The following IMMP2L variants were observed in gnomAD, a reference collection of about 807,000 sequenced individuals.
The protein encoded by IMMP2L is mitochondrial inner membrane protease subunit 2.
A neutral mutation model predicts 19.3 loss-of-function variants in IMMP2L; 18 were observed. The ratio of observed to expected loss-of-function variants is 0.93; its 90% CI spans 0.64 to 1.38. IMMP2L has a LOEUF of 1.38. IMMP2L is among the 40% of genes most tolerant of loss of function. The pLI, the probability that IMMP2L is intolerant of heterozygous loss-of-function variation, is 0.00. For synonymous variants in IMMP2L, 76 were observed against 73.0 expected, an observed-to-expected ratio of 1.04 and a Z score of -0.21; for missense variants, 233 against 218.2, an observed-to-expected ratio of 1.07 and a Z score of -0.43.
intron 3 of IMMP2L, among the ~76,000 whole-genome samples, chr7:111,293,281 C>A (rs1821299213): frequency 6.6e-6 from 1 of 151,858 alleles, no homozygotes; most frequent in Non-Finnish European, 1.5e-5. Context: ...AAATATTAAT[C>A]CTTTTCACTT....
At chr7:111,252,333 T>C (rs761530148) in intron 3 of IMMP2L, among the ~76,000 whole-genome samples, 5 of 152,112 alleles carry the variant, frequency 3.3e-5, no homozygotes, top group Non-Finnish European at 7.3e-5. Flanking sequence ...TAAGTGTGTA[T>C]TGGAGTAATC....
At chr7:111,163,420 A>G (rs1479465075) in intron 3 of IMMP2L, among the ~76,000 whole-genome samples, 1 of 152,058 alleles carries the variant, frequency 6.6e-6, no homozygotes, top group African/African-American at 2.4e-5. Context: ...ACTATTTATT[A>G]CCGAATCAAA....
chr7:111,398,877 A>T (rs1164982945), intron 3 of IMMP2L, among the ~76,000 whole-genome samples: 2 of 149,626 alleles, frequency 1.3e-5, no homozygotes, highest in Non-Finnish European at 3.0e-5. Flanking sequence ...CTTTTACAAT[A>T]GCTGCAAAAA....
chr7:111,536,947 T>G lies in IMMP2L; in HGVS notation c.-2-15498A>C, dbSNP rs79525448. On this transcript the variant is annotated intron_variant, in intron 1 of 5. Coordinates refer to ENST00000405709, the MANE Select transcript of IMMP2L (RefSeq NM_032549.4). ...AAGTTTGTTAAGAAACAGCTGACATTGAAATTGTCTGCATCTAAAGGACAT... is the reference window on the plus strand; with the variant it reads ...AAGTTTGTTAAGAAACAGCTGACATGGAAATTGTCTGCATCTAAAGGACAT... Among the ~76,000 whole-genome samples, 1,498 of 152,086 alleles carry G rather than the reference T, an allele frequency of 9.8e-3. 38 individuals carry two copies. Among genetic ancestry groups the G allele is most frequent in the African/African-American group, 0.035 (1,432 of 41,466 alleles).
intron 3 of IMMP2L, among the ~76,000 whole-genome samples, chr7:111,355,233 AT>A (rs1480678375): frequency 6.6e-6 from 1 of 151,812 alleles, no homozygotes; most frequent in African/African-American, 2.4e-5. Flanking sequence ...TGTACATCGA[AT>A]TTTTTAAAAA....
At chr7:111,396,291 A>T (rs1399728304) in intron 3 of IMMP2L, among the ~76,000 whole-genome samples, 1 of 152,166 alleles carries the variant, frequency 6.6e-6, no homozygotes, top group Non-Finnish European at 1.5e-5. Flanking sequence ...GGATAAAGAA[A>T]ATGTGGCACA....
At chr7:111,148,595 A>G (rs1311914112) in intron 3 of IMMP2L, among the ~76,000 whole-genome samples, 1 of 152,074 alleles carries the variant, frequency 6.6e-6, no homozygotes, top group African/African-American at 2.4e-5. Context: ...TACTATTTAA[A>G]AAAGACATAT....
rs201508024 is a variant in IMMP2L, at chr7:111,510,381, C to T, written c.135+10932G>A. ...TCTGCTGTATTGTATTATATACATA[C>T]ATATACATAAATATAGATATAGATA... On this transcript the variant is annotated intron_variant, in intron 2 of 5. Coordinates refer to ENST00000405709, the MANE Select transcript of IMMP2L (RefSeq NM_032549.4). Among the ~76,000 whole-genome samples the T allele has an allele frequency of 3.3e-5, 5 of 152,062 alleles. No homozygotes were observed. The East Asian group carries it at 7.7e-4, about 24-fold the overall frequency.
At chr7:110,876,573 A>C (rs1809088439) in intron 5 of IMMP2L, among the ~76,000 whole-genome samples, 1 of 152,088 alleles carries the variant, frequency 6.6e-6, no homozygotes, top group South Asian at 2.1e-4. Flanking sequence ...CCAGCTGGTG[A>C]ATTTCTCTGA....
chr7:111,559,072 T>G (rs1390699342), intron 1 of IMMP2L, among the ~76,000 whole-genome samples: 1 of 152,108 alleles, frequency 6.6e-6, no homozygotes. Context: ...GTCATTTGAC[T>G]AAAACATCAT....
chr7:111,019,859 C>A, intron 3 of IMMP2L, among the ~76,000 whole-genome samples: 1 of 152,100 alleles, frequency 6.6e-6, no homozygotes, highest in East Asian at 1.9e-4. Context: ...CCCTCCTTCC[C>A]TCTGCTTTCC....
chr7:111,325,074 A>G (rs1300963332), intron 3 of IMMP2L, among the ~76,000 whole-genome samples: 2 of 151,856 alleles, frequency 1.3e-5, no homozygotes, highest in Admixed American at 1.3e-4. Flanking sequence ...GCCATCTCAT[A>G]GAGAATGCAA....
intron 3 of IMMP2L, among the ~76,000 whole-genome samples, chr7:111,378,557 T>C (rs1830906007): frequency 6.6e-6 from 1 of 152,012 alleles, no homozygotes; most frequent in African/African-American, 2.4e-5. Context: ...GCTGTAGTTG[T>C]AACTGGCAAA....
intron 5 of IMMP2L, among the ~76,000 whole-genome samples, chr7:110,756,123 G>T (rs1184213582): frequency 6.6e-6 from 1 of 152,068 alleles, no homozygotes; most frequent in African/African-American, 2.4e-5. Flanking sequence ...GACTAGAAAT[G>T]ATGAACGCGT....
chr7:111,336,694 A>G (rs1826448006), intron 3 of IMMP2L, among the ~76,000 whole-genome samples: 1 of 151,980 alleles, frequency 6.6e-6, no homozygotes, highest in Non-Finnish European at 1.5e-5. Context: ...CTCTTTCTCA[A>G]TGAAAGTTCT....
intron 5 of IMMP2L, among the ~76,000 whole-genome samples, chr7:110,879,076 T>C (rs1261277836): frequency 6.6e-6 from 1 of 152,154 alleles, no homozygotes; most frequent in Non-Finnish European, 1.5e-5. Context: ...CTTTTAATAT[T>C]TTCACTTATG....
chr7:111,536,902 T>C (rs1435158912), intron 1 of IMMP2L, among the ~76,000 whole-genome samples: 1 of 152,092 alleles, frequency 6.6e-6, no homozygotes, highest in Non-Finnish European at 1.5e-5. Flanking sequence ...AGTACTATTA[T>C]ACAATGGTTG....
intron 3 of IMMP2L, among the ~76,000 whole-genome samples, chr7:111,020,000 G>A (rs1391829130): frequency 6.6e-6 from 1 of 151,120 alleles, no homozygotes; most frequent in Non-Finnish European, 1.5e-5. Context: ...GATGTCACTT[G>A]TATAGTATAT....
intron 3 of IMMP2L, among the ~76,000 whole-genome samples, chr7:111,104,176 T>C (rs1207201897): frequency 2.6e-5 from 4 of 151,672 alleles, no homozygotes; most frequent in Non-Finnish European, 5.9e-5. Context: ...TGCATGCACA[T>C]ACCTGCCTTT....
Sources: allele counts gnomAD v4.1 joint callset (sites outside exome capture counted in the v4.1 genomes callset), GRCh38; gene constraint gnomAD v4.1.1; transcripts MANE v1.5; gene names NCBI Gene and HGNC (gene_info 2026-07-23, HGNC 2026-07-21).